Variants in DSC3 observed in about 807,000 individuals in gnomAD.
DSC3 encodes the protein desmocollin-3.
In DSC3, 97 loss-of-function variants were observed where a neutral mutation model predicts 89.5. The ratio of observed to expected loss-of-function variants is 1.08; its 90% CI spans 0.92 to 1.28. DSC3 has a LOEUF of 1.28. Among genes scored for constraint, DSC3 ranks in the 50% most tolerant of loss-of-function variants. The pLI, the probability that DSC3 is intolerant of heterozygous loss-of-function variation, is 0.00. For synonymous variants in DSC3, 436 were observed against 384.1 expected, an observed-to-expected ratio of 1.14 and a Z score of -1.58; for missense variants, 1,199 against 1,085.3, an observed-to-expected ratio of 1.10 and a Z score of -1.47.
In DSC3 at chr18:31,022,398, G is replaced by A. The variant is rs1985452924; in HGVS notation, c.880C>T (p.Leu294Phe). 1 of 1,614,054 alleles carries A rather than the reference G, an allele frequency of 6.2e-7. No homozygotes were observed. Among genetic ancestry groups the A allele is most frequent in the Admixed American group, 1.7e-5 (1 of 60,004 alleles). The change falls in exon 7 of 16, where the codon CTC becomes TTC. Residue 294 changes from leucine to phenylalanine, a missense_variant. Leu to Phe is a conservative substitution (Grantham distance 22, BLOSUM62 0). Coordinates refer to ENST00000360428, the MANE Select transcript of DSC3 (RefSeq NM_001941.5). ...ILQQTPRSPG[L>F]FSVHPSTGVI... ...CCTGTGCTGGGATGCACAGAAAAGA[G>A]CCCAGGTGACCTTGGTGTCTGCTGC... is the stretch of plus-strand genomic sequence containing the variant.
At chr18:31,020,645 T>C (rs1985387426) in intron 7 of DSC3, among the ~76,000 whole-genome samples, 1 of 152,108 alleles carries the variant, frequency 6.6e-6, no homozygotes, top group African/African-American at 2.4e-5. Flanking sequence ...CCTTCCATAC[T>C]GAAAGTCAAT....
intron 1 of DSC3, among the ~76,000 whole-genome samples, 174 bp downstream of exon 1, chr18:31,042,418 C>A (rs1304727250): frequency 6.6e-6 from 1 of 152,220 alleles, no homozygotes; most frequent in African/African-American, 2.4e-5. Flanking sequence ...CGCAAACACA[C>A]GTTTTCTCTC....
chr18:31,015,517 T>C (rs1985206202), intron 9 of DSC3, among the ~76,000 whole-genome samples: 2 of 150,648 alleles, frequency 1.3e-5, no homozygotes, highest in Non-Finnish European at 2.9e-5. Context: ...AAAAGTTTGC[T>C]AGAGATCATT....
Position 30,993,468 on chromosome 18 carries a change from G to A in DSC3, c.*707C>T, listed in dbSNP as rs969439723. ...TATAATGCAGCATTTAAGAGCCCAG[G>A]CCTAGGAAGCTCTCTCTTTTTTCTA... On this transcript the variant is annotated 3_prime_UTR_variant, in exon 16 of 16. Coordinates refer to ENST00000360428, the MANE Select transcript of DSC3 (RefSeq NM_001941.5). 6.6e-6 allele frequency: 1 copy of A among 152,160 alleles called. No individual in the cohort carries two copies. Among genetic ancestry groups the A allele is most frequent in the African/African-American group, 2.4e-5 (1 of 41,442 alleles). 9.4% of individuals were successfully genotyped at this position (152,160 alleles called of 1,614,324 possible). A position where few individuals can be genotyped will look rare whatever the true frequency, so the allele number is the denominator to read the frequency against.
chr18:31,028,258 A>C (rs1985666519), intron 4 of DSC3, among the ~76,000 whole-genome samples: 1 of 152,078 alleles, frequency 6.6e-6, no homozygotes, highest in Non-Finnish European at 1.5e-5. Flanking sequence ...CAAACATACG[A>C]AGGAGTGATC....
At chr18:31,034,688 A>T (rs909439828) in intron 1 of DSC3, among the ~76,000 whole-genome samples, 1 of 152,220 alleles carries the variant, frequency 6.6e-6, no homozygotes. Flanking sequence ...TACAACAAGG[A>T]TAAACCTATA....
Position 30,994,095 on chromosome 18 carries a change from A to G in DSC3, c.*80T>C, listed in dbSNP as rs1984367722. The G allele has an allele frequency of 4.5e-6, 6 of 1,329,290 alleles. No homozygotes were observed. The highest frequency in any genetic ancestry group is 6.5e-6 in the Non-Finnish European group (6 of 927,964). The allele number at this position is 1,329,290 out of a possible 1,614,324, so 82.3% of individuals were successfully genotyped here. A position where few individuals can be genotyped will look rare whatever the true frequency, so the allele number is the denominator to read the frequency against. On this transcript the variant is annotated 3_prime_UTR_variant, in exon 16 of 16. Transcript: ENST00000360428. ...GAGAAAAAAATCATCATATACATAC[A>G]TGTTGAAATTGAACTTTACAATATT...
chr18:31,025,957 T>A, intron 4 of DSC3, 42 bp from the exon 5 acceptor site: 1 of 1,556,552 alleles, frequency 6.4e-7, no homozygotes, highest in Non-Finnish European at 8.8e-7. Flanking sequence ...TAAAACTAAA[T>A]TCAGTTACAA....
At chr18:31,014,449 C>T (rs1179946295) in intron 9 of DSC3, among the ~76,000 whole-genome samples, 1 of 152,040 alleles carries the variant, frequency 6.6e-6, no homozygotes, top group Admixed American at 6.6e-5. Flanking sequence ...AGACGTTTTA[C>T]ACCATGTTTT....
At chr18:31,015,903 T>C (rs1985219835) in intron 9 of DSC3, among the ~76,000 whole-genome samples, 1 of 152,072 alleles carries the variant, frequency 6.6e-6, no homozygotes, top group African/African-American at 2.4e-5. Context: ...TAAAACAGAA[T>C]CTCATCGAAA....
In DSC3 at chr18:31,008,133, C is replaced by G. The variant is rs751337817; in HGVS notation, c.1546G>C (p.Gly516Arg). 1 of 1,611,980 alleles carries G rather than the reference C, an allele frequency of 6.2e-7. No homozygotes were observed. The highest frequency in any genetic ancestry group is 2.2e-5 in the East Asian group (1 of 44,796). ...LRYKKLHDPKGWITIDEISGS... is the reference protein window; with the variant it reads ...LRYKKLHDPKRWITIDEISGS... ...GAAATTTCATCAATGGTGATCCAAC[C>G]TTTAGGATCATGCAATTTTTTGTAC... is the stretch of plus-strand genomic sequence containing the variant. The change falls in exon 11 of 16, where the codon GGT becomes CGT. Residue 516 changes from glycine (G) to arginine (R), a missense_variant. Gly to Arg is a moderately radical substitution (Grantham distance 125, BLOSUM62 -2). Coordinates refer to ENST00000360428, the MANE Select transcript of DSC3 (RefSeq NM_001941.5).
chr18:31,026,707 C>T (rs972196862), intron 4 of DSC3, among the ~76,000 whole-genome samples: 24 of 152,080 alleles, frequency 1.6e-4, no homozygotes, highest in African/African-American at 5.8e-4. Flanking sequence ...ATCTATTCTG[C>T]CCATCTTCCT....
At chr18:31,020,949 G>GA (rs560036941) in intron 7 of DSC3, among the ~76,000 whole-genome samples, 8 of 151,550 alleles carry the variant, frequency 5.3e-5, no homozygotes, top group Non-Finnish European at 1.2e-4. Flanking sequence ...CTCAAAAAAA[G>GA]AAAAAAATAC....
intron 4 of DSC3, among the ~76,000 whole-genome samples, chr18:31,028,201 T>C (rs1423755553): frequency 6.6e-6 from 1 of 152,108 alleles, no homozygotes; most frequent in Non-Finnish European, 1.5e-5. Context: ...CTCCGAAGTT[T>C]AGAGACTGGG....
chr18:30,998,507 G>T (rs970460465), intron 14 of DSC3, among the ~76,000 whole-genome samples: 6 of 152,162 alleles, frequency 3.9e-5, no homozygotes, highest in African/African-American at 1.4e-4. Context: ...TGAGAGATTT[G>T]AGCTGGAGAT....
intron 6 of DSC3, among the ~76,000 whole-genome samples, chr18:31,023,828 T>C (rs1985504170): frequency 6.6e-6 from 1 of 152,142 alleles, no homozygotes; most frequent in Admixed American, 6.6e-5. Flanking sequence ...GAACATTTGA[T>C]GTAAGTTTCT....
rs1394334694 is a variant in DSC3 at position 31,007,062 on chromosome 18, A to G, written c.1733T>C (p.Leu578Pro). 1 of 1,613,940 alleles carries G rather than the reference A, an allele frequency of 6.2e-7. No homozygotes were observed. The highest frequency in any genetic ancestry group is 8.5e-7 in the Non-Finnish European group (1 of 1,179,922). ...EDVNDNPPEI[L>P]QEYVVICKPK... ...TTTGCAAATGACTACATATTCTTGA[A>G]GTATTTCTGGTGGATTATCATTTAC... Residue 578 changes from leucine to proline, a missense_variant, in exon 12 of 16, where the codon CTT (leucine) becomes CCT (proline). Leu to Pro is a moderately conservative substitution (Grantham distance 98, BLOSUM62 -3). Coordinates refer to ENST00000360428, the MANE Select transcript of DSC3 (RefSeq NM_001941.5).
At position 31,025,763 on chromosome 18, in the gene DSC3, A is replaced by G. The variant is rs1208951437; in HGVS notation, c.627T>C (p.Phe209=). The G allele has an allele frequency of 6.2e-7, 1 of 1,612,540 alleles. No homozygotes were observed. The highest frequency in any genetic ancestry group is 8.5e-7 in the Non-Finnish European group (1 of 1,178,954). Residue 209 remains phenylalanine (F), a synonymous_variant, in exon 5 of 16, where the codon TTT becomes TTC. Coordinates refer to ENST00000360428, the MANE Select transcript of DSC3 (RefSeq NM_001941.5). ...RPVDREEYDV[F]DLIAYASTAD... Reference sequence around the variant, plus strand: ...GGCATATCAATAAAAGTCCTACATCAAAAACATCATATTCTTCACGATCCA... The same window carrying G: ...GGCATATCAATAAAAGTCCTACATCGAAAACATCATATTCTTCACGATCCA...
At chr18:31,010,441 C>A (rs1360442976) in intron 9 of DSC3, among the ~76,000 whole-genome samples, 1 of 152,060 alleles carries the variant, frequency 6.6e-6, no homozygotes, top group African/African-American at 2.4e-5. Flanking sequence ...CTCGCTGAAG[C>A]CTTGGAGTTT....
Sources: gnomAD v4.1 joint callset for allele counts (sites outside exome capture counted in the v4.1 genomes callset) on GRCh38, gnomAD v4.1.1 for gene constraint, MANE v1.5 for transcripts, NCBI Gene and HGNC (gene_info 2026-07-23, HGNC 2026-07-21) for gene names.